The following TNNT1 variants were observed in gnomAD, a reference collection of about 807,000 sequenced individuals.
TNNT1 encodes troponin T, slow skeletal muscle.
TNNT1 carries 53 observed loss-of-function variants against 50.6 expected under a neutral mutation model. That is an observed-to-expected ratio of 1.05 (90% confidence interval 0.84 to 1.32). The LOEUF is 1.32. Among genes scored for constraint, TNNT1 ranks in the 40% most tolerant of loss-of-function variants. The probability of loss-of-function intolerance (pLI) is 0.00; values close to 1 mark genes in which losing one functional copy is unlikely to be tolerated. For synonymous variants in TNNT1, 142 were observed against 138.0 expected, an observed-to-expected ratio of 1.03 and a Z score of -0.20; for missense variants, 348 against 381.7, an observed-to-expected ratio of 0.91 and a Z score of 0.74.
Position 55,137,152 on chromosome 19 carries a change from C to T in TNNT1, c.562G>A (p.Glu188Lys), listed in dbSNP as rs201519507. Residue 188 changes from glutamate (E) to lysine (K), a missense_variant, in exon 11 of 14, where the codon GAG becomes AAG. Glu to Lys is a moderately conservative substitution (Grantham distance 56). This residue lies in a region of TNNT1 where 253 missense variants were observed against 291.8 expected (regional missense o/e 0.87). Coordinates refer to ENST00000588981, the MANE Select transcript of TNNT1 (RefSeq NM_003283.6). ...TCAATGTCCAGAGGCTTCTTACGCT[C>T]GGAGAGGATGCGCACCTTCATCTCC... ...GREMKVRILS[E>K]RKKPLDIDYM... 4.2e-5 allele frequency: 68 copies of T among 1,612,220 alleles called. No individual in the cohort carries two copies. Among genetic ancestry groups the T allele is most frequent in the East Asian group, 2.5e-4 (11 of 44,792 alleles).
Position 55,138,034 on chromosome 19 carries a change from C to G in TNNT1, c.428G>C (p.Arg143Pro). ...MRKEEEEAKK[R>P]AEDDAKKKKV... The stretch of plus-strand genomic sequence containing the variant: ...CTTTTTCTTGGCATCATCCTCTGCC[C>G]GCTTCTTGGCCTCTTCCTCTTCCTT... The change falls in exon 10 of 14, where the codon CGG (arginine) becomes CCG (proline). Residue 143 changes from arginine to proline, a missense_variant. Around this residue, in one of 3 missense-constraint regions of TNNT1, gnomAD observed 253 missense variants for 291.8 expected, o/e 0.87. Coordinates refer to ENST00000588981, the MANE Select transcript of TNNT1 (RefSeq NM_003283.6). The G allele has an allele frequency of 6.2e-7, 1 of 1,614,184 alleles. No homozygotes were observed. Among genetic ancestry groups the G allele is most frequent in the Admixed American group, 1.7e-5 (1 of 60,010 alleles).
intron 9 of TNNT1, among the ~76,000 whole-genome samples, chr19:55,138,493 G>T (rs913392364): frequency 6.6e-6 from 1 of 152,178 alleles, no homozygotes; most frequent in East Asian, 1.9e-4. Context: ...GGCCAGGCTG[G>T]TCTCAAACTA....
chr19:55,138,937 C>A (rs1262115167), intron 9 of TNNT1, among the ~76,000 whole-genome samples: 1 of 152,158 alleles, frequency 6.6e-6, no homozygotes, highest in Non-Finnish European at 1.5e-5. Context: ...AGGCTGAGCC[C>A]CGTCTCCTTA....
At chr19:55,146,378 G>C (rs536715702) in intron 5 of TNNT1, 56 bp downstream of exon 5, 1 of 1,305,616 alleles carries the variant, frequency 7.7e-7, no homozygotes, top group East Asian at 3.0e-5. Flanking sequence ...CGAGGATATC[G>C]GGGGTCCCCC....
intron 6 of TNNT1, among the ~76,000 whole-genome samples, chr19:55,143,750 T>C (rs941931849): frequency 6.6e-6 from 1 of 152,070 alleles, no homozygotes; most frequent in African/African-American, 2.4e-5. Context: ...TCATCATCAA[T>C]GCCATTCACT....
chr19:55,146,518 G>T, intron 4 of TNNT1, 52 bp from the exon 5 acceptor site: 2 of 1,183,384 alleles, frequency 1.7e-6, no homozygotes, highest in African/African-American at 1.6e-5. Context: ...GGGGGGAGCG[G>T]CCACGCCCGG....
At chr19:55,146,976 C>T (rs777128906) in intron 3 of TNNT1, 32 bp downstream of exon 3, 2 of 1,587,698 alleles carry the variant, frequency 1.3e-6, no homozygotes, top group Admixed American at 1.7e-5. Flanking sequence ...GGCGTGTCCC[C>T]ATCCCATAGG....
chr19:55,141,268 A>T lies in TNNT1; in HGVS notation c.227T>A (p.Leu76Gln). ...TACATCGATGAGTGTCTGCAGCTCC[A>T]GCAGGTCTTTCTCCATGCGCTTGCG... ...IHRKRMEKDLLELQTLIDVHF... is the reference protein window; with the variant it reads ...IHRKRMEKDLQELQTLIDVHF... Residue 76 changes from leucine to glutamine, a missense_variant, in exon 8 of 14, where the codon CTG becomes CAG. By Grantham distance (113) the Leu-to-Gln change is moderately radical. This residue lies in a region of TNNT1 where 253 missense variants were observed against 291.8 expected (regional missense o/e 0.87). Transcript: ENST00000588981. 6.2e-7 allele frequency: 1 copy of T among 1,614,226 alleles called. No individual in the cohort carries two copies. Among genetic ancestry groups the T allele is most frequent in the South Asian group, 1.1e-5 (1 of 91,086 alleles).
At chr19:55,135,413 TC>T (rs891332337) in intron 11 of TNNT1, 1 of 239,106 alleles carries the variant, frequency 4.2e-6, no homozygotes, top group African/African-American at 2.5e-5. Flanking sequence ...TTCTTTCTTT[TC>T]TTTTTTTTTT....
rs1189444566 is a variant in TNNT1 at position 55,146,576 on chromosome 19, C to T, written c.73+105G>A. ...GAGACGTGAGAGGCTGTTAGAGGAC[C>T]GGGAGCCGAGGCCGTCGGGAGCCCC... On this transcript the variant is annotated intron_variant, in intron 4 of 13. Coordinates refer to ENST00000588981, the MANE Select transcript of TNNT1 (RefSeq NM_003283.6). 6.6e-6 allele frequency: 8 copies of T among 1,208,648 alleles called. No homozygotes were observed. The East Asian group carries it at 2.2e-4, about 34-fold the overall frequency. The allele number at this position is 1,208,648 out of a possible 1,614,324, so 74.9% of individuals were successfully genotyped here.
intron 1 of TNNT1, among the ~76,000 whole-genome samples, chr19:55,148,607 ACCT>A (rs949686168): frequency 1.9e-4 from 29 of 151,910 alleles, no homozygotes; most frequent in African/African-American, 6.0e-4. Context: ...AGGTCTTGAG[ACCT>A]CCTAAAATCT....
intron 11 of TNNT1, among the ~76,000 whole-genome samples, chr19:55,136,704 C>CA (rs1251457232): frequency 1.3e-5 from 2 of 152,190 alleles, no homozygotes; most frequent in Admixed American, 6.5e-5. Context: ...TCATGAGAGG[C>CA]AGGCTGTCTT....
intron 6 of TNNT1, 108 bp downstream of exon 6, chr19:55,145,436 T>C (rs1378802429): frequency 1.9e-6 from 2 of 1,061,498 alleles, no homozygotes. Flanking sequence ...TCGACTGCTG[T>C]TTCAATTTCC....
At chr19:55,146,562 G>T in intron 4 of TNNT1, 96 bp from the exon 5 acceptor site, 1 of 1,148,684 alleles carries the variant, frequency 8.7e-7, no homozygotes, top group Non-Finnish European at 1.2e-6. Context: ...AGACGTGAGA[G>T]GCTGTTAGAG....
chr19:55,146,899 C>G (rs1182163257), intron 3 of TNNT1, 109 bp downstream of exon 3: 26 of 1,406,828 alleles, frequency 1.8e-5, no homozygotes, highest in Middle Eastern at 5.2e-4. Context: ...GGCGAGGGCC[C>G]GAGGGCTGAG....
At chr19:55,146,594 G>C (rs1321025328) in intron 4 of TNNT1, 87 bp downstream of exon 4, 1 of 1,234,304 alleles carries the variant, frequency 8.1e-7, no homozygotes, top group East Asian at 2.8e-5. Context: ...GAGGCCGTCG[G>C]GAGCCCCATC....
intron 13 of TNNT1, 37 bp downstream of exon 13, chr19:55,133,850 A>G (rs938181918): frequency 2.5e-6 from 4 of 1,613,248 alleles, no homozygotes; most frequent in Admixed American, 1.7e-5. Flanking sequence ...GCGGGAGGGT[A>G]GGGACAAGAG....
At chr19:55,134,402 T>C (rs1033938672) in intron 11 of TNNT1, among the ~76,000 whole-genome samples, 198 bp from the exon 12 acceptor site, 6 of 151,922 alleles carry the variant, frequency 3.9e-5, no homozygotes, top group Non-Finnish European at 5.9e-5. Flanking sequence ...AAGGGTGTCA[T>C]GATTAAGAGA....
intron 9 of TNNT1, among the ~76,000 whole-genome samples, chr19:55,138,791 T>G (rs942840702): frequency 9.2e-5 from 14 of 152,188 alleles, no homozygotes; most frequent in African/African-American, 3.4e-4. Context: ...AAGTAACTGG[T>G]GATAAGACCA....
Sources: allele counts gnomAD v4.1 joint callset (sites outside exome capture counted in the v4.1 genomes callset), GRCh38; gene constraint gnomAD v4.1.1; regional missense constraint gnomAD v4.1.1; transcripts MANE v1.5; gene names NCBI Gene and HGNC (gene_info 2026-07-23, HGNC 2026-07-21).